Variants in TULP4 observed in about 807,000 individuals in gnomAD.
The protein encoded by TULP4 is TUB like protein 4.
Under a neutral mutation model 129.0 loss-of-function variants are expected in TULP4, and 16 were observed. The ratio of observed to expected loss-of-function variants is 0.12; its 90% CI spans 0.08 to 0.19. The LOEUF (loss-of-function observed/expected upper bound fraction) is 0.19, where lower values mean the gene tolerates loss of function less well. Among genes scored for constraint, TULP4 ranks in the 10% least tolerant of loss-of-function variants. The pLI is 1.00. For synonymous variants in TULP4, 998 were observed against 854.0 expected, an observed-to-expected ratio of 1.17 and a Z score of -2.94; for missense variants, 1,842 against 2,059.1, an observed-to-expected ratio of 0.89 and a Z score of 2.04.
In TULP4 at chr6:158,331,745, G is replaced by GTATATATA. The variant is rs1562523255; in HGVS notation, c.252+17478_252+17479insATATATAT. On this transcript the variant is annotated intron_variant, in intron 1 of 13. Transcript: ENST00000367097. ...CACACACACATACGTATATATATAC[G>GTATATATA]TGTATATACACGTGTATATATACAC... Among the ~76,000 whole-genome samples the GTATATATA allele has an allele frequency of 1.9e-4, 3 of 15,716 alleles. 1 individual carries two copies. The highest frequency in any genetic ancestry group is 2.1e-3 in the Admixed American group (2 of 940). The allele number at this position is 15,716 out of a possible 152,430, so 10.3% of individuals were successfully genotyped here.
At chr6:158,353,550 T>G (rs954630823) in intron 1 of TULP4, among the ~76,000 whole-genome samples, 8 of 152,182 alleles carry the variant, frequency 5.3e-5, no homozygotes, top group Non-Finnish European at 1.2e-4. Flanking sequence ...GTGTACCTAG[T>G]AAAATTCTCA....
upstream of TULP4, chr6:158,312,289 C>T (rs1779373382): frequency 7.6e-6 from 3 of 395,056 alleles, no homozygotes; most frequent in African/African-American, 4.1e-5. Context: ...CCAGTGGGCT[C>T]AGGAGCCCGG....
chr6:158,243,153 A>C (rs549795591), intron 1 of TULP4, among the ~76,000 whole-genome samples: 1 of 152,260 alleles, frequency 6.6e-6, no homozygotes, highest in South Asian at 2.1e-4. Context: ...TATCTTGCCC[A>C]GCTTTGGCAA....
chr6:158,329,465 T>A (rs199695923), intron 1 of TULP4, among the ~76,000 whole-genome samples: 3 of 138,700 alleles, frequency 2.2e-5, no homozygotes, highest in Admixed American at 7.3e-5. Context: ...ACCTTAACAT[T>A]AAAAAAAAAA....
In TULP4 at chr6:158,504,038, G is replaced by C; in HGVS notation, c.4375G>C (p.Gly1459Arg). The change falls in exon 13 of 14, where the codon GGC becomes CGC. Residue 1459 changes from glycine to arginine, a missense_variant. By Grantham distance (125) the Gly-to-Arg change is moderately radical. Transcript: ENST00000367097. ...CAGTGAGAAGGAGGACGGGCGGCTG[G>C]GCAGCCAAGGCTTCGTGTACGTGAT... ...RASEKEDGRL[G>R]SQGFVYVMAN... The C allele has an allele frequency of 6.2e-7, 1 of 1,610,218 alleles. No individual in the cohort carries two copies.
At chr6:158,258,191 A>G (rs1036175325) in intron 1 of TULP4, among the ~76,000 whole-genome samples, 2 of 152,218 alleles carry the variant, frequency 1.3e-5, no homozygotes, top group Admixed American at 6.5e-5. Context: ...TGGGCTGTCT[A>G]CGGAATCCAG....
chr6:158,462,736 CT>C (rs948496952), intron 6 of TULP4, among the ~76,000 whole-genome samples: 2 of 129,050 alleles, frequency 1.5e-5, no homozygotes, highest in Non-Finnish European at 3.2e-5. Flanking sequence ...TACCCTATGT[CT>C]TTTTTTTTCC....
intron 1 of TULP4, among the ~76,000 whole-genome samples, chr6:158,405,617 C>T (rs1245453513): frequency 6.6e-6 from 1 of 152,042 alleles, no homozygotes; most frequent in Non-Finnish European, 1.5e-5. Context: ...AGCAAGGAGC[C>T]AGCAAGTCTA....
rs183208886 is a variant in TULP4, at chr6:158,340,087, C to T, written c.252+25819C>T. Among the ~76,000 whole-genome samples, 268 of 152,218 alleles carry T rather than the reference C, an allele frequency of 1.8e-3. 1 individual carries two copies. Among genetic ancestry groups the T allele is most frequent in the Middle Eastern group, 3.4e-3 (1 of 294 alleles). ...TGAGCTTAGTTGATGTGGATCTGCT[C>T]GTGCAAGGTGAGTTGACCTTACTGT... On this transcript the variant is annotated intron_variant, in intron 1 of 13. Transcript: ENST00000367097.
chr6:158,277,694 C>A (rs1452960089), upstream of TULP4, among the ~76,000 whole-genome samples: 1 of 152,138 alleles, frequency 6.6e-6, no homozygotes, highest in African/African-American at 2.4e-5. Flanking sequence ...TTCTGGTGGC[C>A]TGGAGGGTAA....
At chr6:158,301,394 CAGT>C (rs1331925979) in intron 1 of TULP4, among the ~76,000 whole-genome samples, 1 of 50,852 alleles carries the variant, frequency 2.0e-5, no homozygotes, top group Non-Finnish European at 4.7e-5. Flanking sequence ...TAAAATCAAA[CAGT>C]TTTTTTTTTT....
At chr6:158,307,391 A>C (rs1396094442) in intron 1 of TULP4, among the ~76,000 whole-genome samples, 1 of 152,236 alleles carries the variant, frequency 6.6e-6, no homozygotes, top group East Asian at 1.9e-4. Context: ...AGTTTCTCAA[A>C]GGTTAGTTGC....
chr6:158,384,760 C>T (rs1369384796), intron 1 of TULP4, among the ~76,000 whole-genome samples: 2 of 152,200 alleles, frequency 1.3e-5, no homozygotes, highest in East Asian at 1.9e-4. Flanking sequence ...AGGCCTCAGA[C>T]CTGAACTCGC....
chr6:158,367,843 C>G (rs1344787110), intron 1 of TULP4, among the ~76,000 whole-genome samples: 3 of 151,516 alleles, frequency 2.0e-5, no homozygotes, highest in Admixed American at 6.6e-5. Flanking sequence ...GGTTTTCCAT[C>G]CAAATATCCC....
At chr6:158,401,077 G>GTTGTT (rs1777836110) in intron 1 of TULP4, among the ~76,000 whole-genome samples, 1 of 142,582 alleles carries the variant, frequency 7.0e-6, no homozygotes, top group African/African-American at 2.6e-5. Flanking sequence ...TGTTGTTGTT[G>GTTGTT]TTGTTGTTTT....
intron 1 of TULP4, among the ~76,000 whole-genome samples, chr6:158,331,756 C>T (rs1312813458): frequency 7.7e-5 from 1 of 12,954 alleles, no homozygotes; most frequent in Non-Finnish European, 2.0e-4. Flanking sequence ...TGTATATACA[C>T]GTGTATATAT....
intron 1 of TULP4, among the ~76,000 whole-genome samples, chr6:158,327,354 A>C (rs1398076461): frequency 6.6e-6 from 1 of 152,192 alleles, no homozygotes; most frequent in African/African-American, 2.4e-5. Flanking sequence ...GATGCTCTTC[A>C]GTTCCAGGGC....
intron 1 of TULP4, among the ~76,000 whole-genome samples, chr6:158,234,543 A>G (rs1359199899): frequency 6.6e-6 from 1 of 152,234 alleles, no homozygotes; most frequent in East Asian, 1.9e-4. Flanking sequence ...CTCATTTGCA[A>G]CATCAATTAA....
At chr6:158,451,520 A>C (rs1338547646) in intron 4 of TULP4, among the ~76,000 whole-genome samples, 1 of 152,192 alleles carries the variant, frequency 6.6e-6, no homozygotes, top group African/African-American at 2.4e-5. Flanking sequence ...ATGGTCCATC[A>C]TGGCCCCTTC....
Sources: allele counts gnomAD v4.1 joint callset (sites outside exome capture counted in the v4.1 genomes callset), GRCh38; gene constraint gnomAD v4.1.1; transcripts MANE v1.5; gene names NCBI Gene and HGNC (gene_info 2026-07-23, HGNC 2026-07-21).